The following LRP6 variants were observed in gnomAD, a reference collection of about 807,000 sequenced individuals.
LRP6 encodes low-density lipoprotein receptor-related protein 6.
Under a neutral mutation model 184.1 loss-of-function variants are expected in LRP6, and 43 were observed. That is an observed-to-expected ratio of 0.23 (90% CI 0.18 to 0.30). LRP6 has a LOEUF of 0.30. Ranked by LOEUF, LRP6 falls within the 10% of genes least tolerant of loss-of-function variation. The pLI, the probability that LRP6 is intolerant of heterozygous loss-of-function variation, is 1.00. For synonymous variants in LRP6, 719 were observed against 684.9 expected (o/e 1.05, Z -0.78); for missense variants, 1,571 against 2,005.3 (o/e 0.78, Z 4.14).
At chr12:12,198,737 T>A (rs1264703716) in intron 3 of LRP6, among the ~76,000 whole-genome samples, 2 of 152,062 alleles carry the variant, frequency 1.3e-5, no homozygotes, top group Non-Finnish European at 2.9e-5. Context: ...TTTCACCATG[T>A]TGGCAAGGCT....
At chr12:12,248,366 C>A (rs1865239611) in intron 1 of LRP6, among the ~76,000 whole-genome samples, 1 of 151,064 alleles carries the variant, frequency 6.6e-6, no homozygotes, top group Non-Finnish European at 1.5e-5. Context: ...CACTACCATT[C>A]ATTAGCTATT....
At chr12:12,131,062 G>A (rs1029050946) in intron 18 of LRP6, among the ~76,000 whole-genome samples, 169 bp from the exon 19 acceptor site, 2 of 146,092 alleles carry the variant, frequency 1.4e-5, no homozygotes, top group Non-Finnish European at 3.0e-5. Flanking sequence ...AGAAAAAAGA[G>A]TAGGAGAAAA....
At chr12:12,230,881 G>C (rs1864765264) in intron 2 of LRP6, among the ~76,000 whole-genome samples, 1 of 151,988 alleles carries the variant, frequency 6.6e-6, no homozygotes, top group Admixed American at 6.6e-5. Context: ...AAATGAACAG[G>C]AAAGTAAAAA....
In LRP6 at chr12:12,266,726, C is replaced by A. The variant is rs1219916847; in HGVS notation, c.10G>T (p.Val4Phe). ...CTGCAGGCCAGGAGGCTCCTCAGGA[C>A]GGCCCCCATCTTCCCTTCTCGCGTT... MGA[V>F]LRSLLACSFC... The change falls in exon 1 of 23, where the codon GTC (valine) becomes TTC (phenylalanine). Residue 4 changes from valine to phenylalanine, a missense_variant. Val to Phe is a conservative substitution (Grantham distance 50). Coordinates refer to ENST00000261349, the MANE Select transcript of LRP6 (RefSeq NM_002336.3). The A allele has an allele frequency of 1.2e-6, 2 of 1,613,436 alleles. No homozygotes were observed. Among genetic ancestry groups the A allele is most frequent in the Non-Finnish European group, 1.7e-6 (2 of 1,179,782 alleles).
At chr12:12,239,924 A>T (rs1432660984) in intron 2 of LRP6, among the ~76,000 whole-genome samples, 1 of 152,094 alleles carries the variant, frequency 6.6e-6, no homozygotes, top group Non-Finnish European at 1.5e-5. Flanking sequence ...ATTGAAACTT[A>T]TTAATTTGAG....
At chr12:12,187,684 T>C (rs1863509192) in intron 3 of LRP6, among the ~76,000 whole-genome samples, 1 of 152,152 alleles carries the variant, frequency 6.6e-6, no homozygotes, top group Non-Finnish European at 1.5e-5. Context: ...GGCATGCAGG[T>C]AGCACTCTCC....
At chr12:12,246,329 C>G (rs1865182950) in intron 1 of LRP6, among the ~76,000 whole-genome samples, 1 of 151,744 alleles carries the variant, frequency 6.6e-6, no homozygotes. Context: ...AATCTTAATT[C>G]ATTCCAATTT....
intron 13 of LRP6, 67 bp from the exon 14 acceptor site, chr12:12,149,220 A>T: frequency 1.7e-6 from 2 of 1,181,982 alleles, no homozygotes; most frequent in Non-Finnish European, 2.5e-6. Flanking sequence ...GCAATCAGTC[A>T]CAATGCTTAC....
At chr12:12,160,022 G>A (rs1230635347) in intron 10 of LRP6, 58 bp from the exon 11 acceptor site, 9 of 1,262,200 alleles carry the variant, frequency 7.1e-6, no homozygotes, top group South Asian at 6.9e-5. Flanking sequence ...GGGGGAAAGA[G>A]TCATATTCAT....
In LRP6 at chr12:12,203,358, T is replaced by C; in HGVS notation, c.492A>G (p.Glu164=). ...WTDWGEVPKI[E]RAGMDGSSRF... ...GACTTGAACCATCCATTCCAGCACG[T>C]TCTATCTTTGGCACTTCTCCCCAGT... is the stretch of plus-strand genomic sequence containing the variant. Residue 164 remains glutamate, a synonymous_variant, in exon 3 of 23, where the codon GAA becomes GAG. Transcript: ENST00000261349. 6.2e-7 allele frequency: 1 copy of C among 1,614,138 alleles called. No individual in the cohort carries two copies. The highest frequency in any genetic ancestry group is 1.1e-5 in the South Asian group (1 of 91,084).
chr12:12,224,674 A>G (rs1864572061), intron 2 of LRP6, among the ~76,000 whole-genome samples: 1 of 152,228 alleles, frequency 6.6e-6, no homozygotes. Context: ...AACTTCCTAT[A>G]TATAAACTGA....
intron 12 of LRP6, among the ~76,000 whole-genome samples, chr12:12,151,954 G>A (rs1425074048): frequency 6.6e-6 from 1 of 152,118 alleles, no homozygotes; most frequent in African/African-American, 2.4e-5. Context: ...TGTGAGGACG[G>A]CATGGAAAGA....
intron 17 of LRP6, among the ~76,000 whole-genome samples, chr12:12,132,353 T>C (rs1485016989): frequency 6.6e-6 from 1 of 152,150 alleles, no homozygotes; most frequent in Non-Finnish European, 1.5e-5. Context: ...ACACAAAACC[T>C]AGGAATAATC....
At chr12:12,254,438 C>A (rs1003378366) in intron 1 of LRP6, among the ~76,000 whole-genome samples, 2 of 152,060 alleles carry the variant, frequency 1.3e-5, no homozygotes, top group African/African-American at 2.4e-5. Flanking sequence ...TATAAGGAAC[C>A]CCTTTCTCTT....
intron 2 of LRP6, among the ~76,000 whole-genome samples, chr12:12,219,853 G>A (rs7973583): frequency 0.14 from 21,014 of 152,110 alleles, 1,976 homozygotes; most frequent in African/African-American, 0.27. Context: ...AACCAACCCC[G>A]ACTTTGAAAA....
chr12:12,226,858 G>A (rs973648354), intron 2 of LRP6: 6 of 152,132 alleles, frequency 3.9e-5, no homozygotes, highest in African/African-American at 1.4e-4. Context: ...TGAGAATACA[G>A]AAAGAGAAAA....
At chr12:12,216,264 T>C (rs971668570) in intron 2 of LRP6, among the ~76,000 whole-genome samples, 3 of 152,232 alleles carry the variant, frequency 2.0e-5, no homozygotes, top group Non-Finnish European at 2.9e-5. Context: ...ATTAGATTTC[T>C]GAATGTCCTG....
Position 12,207,641 on chromosome 12 carries a change from G to A in LRP6, c.450-4241C>T, listed in dbSNP as rs77708154. 2.1e-3 allele frequency among the ~76,000 whole-genome samples: 315 copies of A among 152,240 alleles called. 6 individuals carry two copies. Among genetic ancestry groups the A allele is most frequent in the African/African-American group, 7.1e-3 (293 of 41,532 alleles). On this transcript the variant is annotated intron_variant, in intron 2 of 22. Transcript: ENST00000261349. Reference sequence around the variant, plus strand: ...TAGCAAACTAGCCAGAAATCTAACAGGAAGATCCTAGGAAAAAGACTGCCA... The same window carrying A: ...TAGCAAACTAGCCAGAAATCTAACAAGAAGATCCTAGGAAAAAGACTGCCA...
At chr12:12,213,002 TATTTTTCATTATATCATATAGCAG>T (rs1386016521) in intron 2 of LRP6, among the ~76,000 whole-genome samples, 2 of 152,200 alleles carry the variant, frequency 1.3e-5, no homozygotes, top group African/African-American at 4.8e-5. Context: ...TTGTTGAATA[TATTTTTCATTATATCATATAGCAG>T]CTTCTTTAGA....
Sources: allele counts gnomAD v4.1 joint callset (sites outside exome capture counted in the v4.1 genomes callset), GRCh38; gene constraint gnomAD v4.1.1; transcripts MANE v1.5; gene names NCBI Gene and HGNC (gene_info 2026-07-23, HGNC 2026-07-21).